PCDHGA11: variants seen among roughly 807,000 people sequenced by gnomAD.
PCDHGA11 encodes the protein protocadherin gamma-A11.
PCDHGA11 carries 39 observed loss-of-function variants against 60.4 expected under a neutral mutation model. The ratio of observed to expected loss-of-function variants is 0.65; its 90% CI spans 0.50 to 0.84. PCDHGA11 has a LOEUF of 0.84. Among genes scored for constraint, PCDHGA11 ranks in the 40% least tolerant of loss-of-function variants. PCDHGA11 has a pLI of 0.00. For missense variants in PCDHGA11, 1,165 were observed against 1,197.7 expected, an observed-to-expected ratio of 0.97 and a Z score of 0.40; for synonymous variants, 533 against 510.3, an observed-to-expected ratio of 1.04 and a Z score of -0.60.
chr5:141,463,184 T>A (rs62379194), intron 1 of PCDHGA11, among the ~76,000 whole-genome samples: 5,135 of 152,236 alleles, frequency 0.034, 100 homozygotes, highest in Middle Eastern at 0.088. Context: ...CTCAGATTAT[T>A]ATTTAGCCAA....
intron 1 of PCDHGA11, among the ~76,000 whole-genome samples, chr5:141,473,942 GC>G (rs1443545533): frequency 1.3e-5 from 2 of 152,124 alleles, no homozygotes; most frequent in African/African-American, 4.8e-5. Context: ...AGTAGCTCAG[GC>G]CTGTAGTCCC....
At chr5:141,463,168 T>C (rs74924211) in intron 1 of PCDHGA11, among the ~76,000 whole-genome samples, 6,974 of 152,254 alleles carry the variant, frequency 0.046, 178 homozygotes, top group Middle Eastern at 0.082. Context: ...GTGCACTCTA[T>C]GTATGCTCAG....
At position 141,423,050 on chromosome 5, in the gene PCDHGA11, G is replaced by C; in HGVS notation, c.1823G>C (p.Arg608Pro). Residue 608 changes from arginine (R) to proline (P), a missense_variant, in exon 1 of 4, where the codon CGC becomes CCC. By Grantham distance (103) the Arg-to-Pro change is moderately radical. Coordinates refer to ENST00000398587, the MANE Select transcript of PCDHGA11 (RefSeq NM_018914.3). ...GGCCAGAACGCCTGGCTGTCCTATC[G>C]CCTGCTTAAGGCCAGCGAGCCGGGA... is the stretch of plus-strand genomic sequence containing the variant. ...DSGQNAWLSYRLLKASEPGLF... is the reference protein window; with the variant it reads ...DSGQNAWLSYPLLKASEPGLF... The C allele has an allele frequency of 6.2e-7, 1 of 1,614,186 alleles. No homozygotes were observed. Among genetic ancestry groups the C allele is most frequent in the Non-Finnish European group, 8.5e-7 (1 of 1,180,034 alleles).
At chr5:141,510,887 G>C (rs2099883217) in intron 3 of PCDHGA11, 60 bp from the exon 4 acceptor site, 2 of 1,612,600 alleles carry the variant, frequency 1.2e-6, no homozygotes, top group East Asian at 4.5e-5. Context: ...GGGGATATAA[G>C]ACAGTGACTG....
intron 1 of PCDHGA11, 88 bp downstream of exon 1, chr5:141,423,748 T>TG: frequency 7.2e-6 from 2 of 278,014 alleles, no homozygotes; most frequent in Admixed American, 4.2e-4. Flanking sequence ...ATGAAAACTG[T>TG]TTGGGGGGGG....
chr5:141,468,464 TC>T (rs2099167734), intron 1 of PCDHGA11: 2 of 152,174 alleles, frequency 1.3e-5, no homozygotes, highest in Admixed American at 1.3e-4. Flanking sequence ...GCAAGTTATT[TC>T]TGAGGAGAAT....
intron 1 of PCDHGA11, chr5:141,428,910 A>C (rs956124609): frequency 1.3e-5 from 2 of 151,302 alleles, no homozygotes; most frequent in Non-Finnish European, 2.9e-5. Context: ...GCTGGAGTGC[A>C]GTGGCATGAT....
rs201538255 is a variant in PCDHGA11 at position 141,476,796 on chromosome 5, G to A, written c.2434-18011G>A. 10 of 1,613,584 alleles carry A rather than the reference G, an allele frequency of 6.2e-6. No individual in the cohort carries two copies. In the East Asian group the frequency reaches 2.2e-4, roughly 36 times the overall value. On this transcript the variant is annotated intron_variant, in intron 1 of 3. Transcript: ENST00000398587. This position sits in a 1 kb window ranked among gnomAD's most constrained non-coding sequence, Gnocchi z 7.6. Reference sequence around the variant, plus strand: ...GGAGGGACCCCAGCTCTCTCCGCCAGCCTGCCTATTCACATCAAGGTGCTG... The same window carrying A: ...GGAGGGACCCCAGCTCTCTCCGCCAACCTGCCTATTCACATCAAGGTGCTG...
chr5:141,482,562 C>A (rs1030078543), intron 1 of PCDHGA11, among the ~76,000 whole-genome samples: 68 of 142,616 alleles, frequency 4.8e-4, no homozygotes, highest in African/African-American at 1.8e-3. Flanking sequence ...TAATGGAGAT[C>A]TGCATAGCAT....
intron 1 of PCDHGA11, among the ~76,000 whole-genome samples, chr5:141,429,664 ATTATT>A (rs2097234085): frequency 6.6e-6 from 1 of 152,214 alleles, no homozygotes; most frequent in Non-Finnish European, 1.5e-5. Context: ...TTTAAAATAT[ATTATT>A]TTATTTTATG....
At chr5:141,430,100 C>T (rs6874907) in intron 1 of PCDHGA11, among the ~76,000 whole-genome samples, 7,606 of 152,160 alleles carry the variant, frequency 0.05, 372 homozygotes, top group African/African-American at 0.13. Context: ...GATTTTTAAG[C>T]GTTACATGTC....
In PCDHGA11 at chr5:141,432,661, C is replaced by T; in HGVS notation, c.2433+9001C>T. ...TGCGCACGGCGCGAGCCCTGCTGGACAGAGACGCGCTCAAGCAGAGCCTCG... is the reference window on the plus strand; with the variant it reads ...TGCGCACGGCGCGAGCCCTGCTGGATAGAGACGCGCTCAAGCAGAGCCTCG... On this transcript the variant is annotated intron_variant, in intron 1 of 3. Transcript: ENST00000398587. This position sits in a 1 kb window ranked among gnomAD's most constrained non-coding sequence, Gnocchi z 6.0. 3.1e-6 allele frequency: 5 copies of T among 1,613,886 alleles called. No homozygotes were observed. In the South Asian group the frequency reaches 5.5e-5, roughly 18 times the overall value.
At position 141,432,942 on chromosome 5, in the gene PCDHGA11, C is replaced by G. The variant is rs1346694514; in HGVS notation, c.2433+9282C>G. ...CACAAGTCACGCCTGCTGCAGGCTT[C>G]AGGAGGCGGCTTGACAGGAGCGCCG... On this transcript the variant is annotated intron_variant, in intron 1 of 3. Coordinates refer to ENST00000398587, the MANE Select transcript of PCDHGA11 (RefSeq NM_018914.3). The surrounding 1 kb of genome is among the most constrained non-coding windows in gnomAD (Gnocchi z 6.0). The G allele has an allele frequency of 1.2e-6, 2 of 1,614,190 alleles. No individual in the cohort carries two copies. Among genetic ancestry groups the G allele is most frequent in the Non-Finnish European group, 1.7e-6 (2 of 1,180,036 alleles).
At position 141,511,963 on chromosome 5, in the gene PCDHGA11, AGT is replaced by A. The variant is rs1204123000; in HGVS notation, c.*796_*797del. On this transcript the variant is annotated 3_prime_UTR_variant, in exon 4 of 4. Transcript: ENST00000398587. ...ATGGGGTGGTAAGATAAGGAAGGGA[AGT>A]GTGTGGATGTGGATGGTGGGGGCAT... 1 of 153,636 alleles carries A rather than the reference AGT, an allele frequency of 6.5e-6. No individual in the cohort carries two copies. 9.5% of individuals were successfully genotyped at this position (153,636 alleles called of 1,614,324 possible).
At chr5:141,499,019 AGGAAGGAAGAAAAG>A (rs2099788655) in intron 2 of PCDHGA11, among the ~76,000 whole-genome samples, 1 of 150,840 alleles carries the variant, frequency 6.6e-6, no homozygotes, top group Non-Finnish European at 1.5e-5. Flanking sequence ...GAAGGAAGGA[AGGAAGGAAGAAAAG>A]AAAGAAAAAG....
At position 141,512,815 on chromosome 5, in the gene PCDHGA11, A is replaced by AC. The variant is rs1215322144; in HGVS notation, c.*1647dup. ...TGTGCTGTGTCCACGCGCTAAGGCG[A>AC]CCCCCTCCCCCGTACTGACTTCTCC... is the stretch of plus-strand genomic sequence containing the variant. On this transcript the variant is annotated 3_prime_UTR_variant, in exon 4 of 4. Coordinates refer to ENST00000398587, the MANE Select transcript of PCDHGA11 (RefSeq NM_018914.3). The AC allele has an allele frequency of 6.7e-6, 1 of 149,682 alleles. No homozygotes were observed. The highest frequency in any genetic ancestry group is 1.5e-5 in the Non-Finnish European group (1 of 67,474). 9.3% of individuals were successfully genotyped at this position (149,682 alleles called of 1,614,324 possible).
Position 141,421,623 on chromosome 5 carries a change from C to T in PCDHGA11, c.396C>T (p.Pro132=). The part of the protein sequence containing the change: ...VEIIDINDNA[P]SFQEDEVEIK... ...TAATAGATATTAATGATAACGCCCCCAGCTTCCAGGAGGACGAAGTGGAGA... is the reference window on the plus strand; with the variant it reads ...TAATAGATATTAATGATAACGCCCCTAGCTTCCAGGAGGACGAAGTGGAGA... Residue 132 remains proline, a synonymous_variant, in exon 1 of 4, where the codon CCC becomes CCT. Transcript: ENST00000398587. 1 of 1,613,810 alleles carries T rather than the reference C, an allele frequency of 6.2e-7. No homozygotes were observed.
chr5:141,468,549 C>T (rs1289802190), intron 1 of PCDHGA11: 2 of 151,940 alleles, frequency 1.3e-5, no homozygotes, highest in Non-Finnish European at 2.9e-5. Flanking sequence ...ACATATTTAA[C>T]ATTTGTGATA....
At chr5:141,438,400 T>C (rs2154557880) in intron 1 of PCDHGA11, among the ~76,000 whole-genome samples, 1 of 151,918 alleles carries the variant, frequency 6.6e-6, no homozygotes, top group Non-Finnish European at 1.5e-5. Context: ...TCATTAACTC[T>C]CTGAAGTATT....
Sources: allele counts gnomAD v4.1 joint callset (sites outside exome capture counted in the v4.1 genomes callset), GRCh38; gene constraint gnomAD v4.1.1; non-coding constraint Gnocchi (gnomAD v3.1); transcripts MANE v1.5; gene names NCBI Gene and HGNC (gene_info 2026-07-23, HGNC 2026-07-21).